SLC5A6: variants seen among roughly 807,000 people sequenced by gnomAD.
SLC5A6 encodes the protein solute carrier family 5 member 6.
In SLC5A6, 31 loss-of-function variants were observed where a neutral mutation model predicts 67.9. The observed-to-expected ratio is 0.46, with a 90% CI of 0.34 to 0.62. The LOEUF (loss-of-function observed/expected upper bound fraction) is 0.62, where lower values mean the gene tolerates loss of function less well. SLC5A6 is among the 20% of genes least tolerant of loss of function. The probability of loss-of-function intolerance (pLI) is 0.01; values close to 1 mark genes in which losing one functional copy is unlikely to be tolerated. For synonymous variants in SLC5A6, 343 were observed against 331.0 expected (o/e 1.04, Z -0.39); for missense variants, 673 against 812.8 (o/e 0.83, Z 2.09).
intron 1 of SLC5A6, 66 bp from the exon 2 acceptor site, chr2:27,211,599 G>A (rs1309171188): frequency 1.3e-5 from 2 of 152,710 alleles, no homozygotes; most frequent in African/African-American, 4.8e-5. Context: ...GCCAGGCTCC[G>A]GGACGCTATG....
Position 27,207,781 on chromosome 2 carries a change from C to T in SLC5A6, c.-131G>A. The stretch of plus-strand genomic sequence containing the variant: ...GTCTTCCTCCACGGAGTGATACTGT[C>T]CAGGGTGAGCTGCAAAGGAATTAGC... On this transcript the variant is annotated 5_prime_UTR_variant, in exon 3 of 17. Transcript: ENST00000310574. This position sits in a 1 kb window ranked among gnomAD's most constrained non-coding sequence, Gnocchi z 5.5. The T allele has an allele frequency of 1.2e-6, 1 of 817,880 alleles. No individual in the cohort carries two copies. The highest frequency in any genetic ancestry group is 1.9e-6 in the Non-Finnish European group (1 of 526,144). The allele number at this position is 817,880 out of a possible 1,614,324, so 50.7% of individuals were successfully genotyped here.
Position 27,205,433 on chromosome 2 carries a change from A to G in SLC5A6, c.651T>C (p.Val217=). ...CCACCTTGGCTGACCCCACAATGATAACTGCCAGCTGCCCGAGGAACATGA... is the reference window on the plus strand; with the variant it reads ...CCACCTTGGCTGACCCCACAATGATGACTGCCAGCTGCCCGAGGAACATGA... ...TLVMFLGQLA[V]IIVGSAKVGG... is the part of the protein sequence containing the mutation. Residue 217 remains valine, a synonymous_variant, in exon 7 of 17, where the codon GTT becomes GTC. Transcript: ENST00000310574. The G allele has an allele frequency of 6.2e-7, 1 of 1,614,092 alleles. No homozygotes were observed. The highest frequency in any genetic ancestry group is 8.5e-7 in the Non-Finnish European group (1 of 1,179,974).
intron 14 of SLC5A6, 79 bp from the exon 15 acceptor site, chr2:27,201,532 T>G: frequency 1.5e-6 from 2 of 1,352,498 alleles, no homozygotes; most frequent in South Asian, 2.4e-5. Context: ...CTTGCCCGCA[T>G]GGTCCCAGGG....
Position 27,206,963 on chromosome 2 carries a change from A to G in SLC5A6, c.394-21T>C, listed in dbSNP as rs1572395017. On this transcript the variant is annotated intron_variant, in intron 3 of 16. Transcript: ENST00000310574. ...AGGTACTGGGTATACAGAAAAAAAG[A>G]TTTTTCTCCTGACTTCACCCCGACA... The G allele has an allele frequency of 1.6e-5, 25 of 1,594,076 alleles. No individual in the cohort carries two copies. In the East Asian group the frequency reaches 5.6e-4, roughly 36 times the overall value.
chr2:27,212,003 C>T lies in SLC5A6; in HGVS notation c.-208+17G>A. The T allele has an allele frequency of 3.2e-6, 2 of 627,308 alleles. No individual in the cohort carries two copies. The highest frequency in any genetic ancestry group is 3.5e-5 in the East Asian group (1 of 28,512). The allele number at this position is 627,308 out of a possible 1,614,324, so 38.9% of individuals were successfully genotyped here. On this transcript the variant is annotated intron_variant, in intron 1 of 16. Transcript: ENST00000310574. ...CCCGCCCCCTGCCCGCCCCGCTCGC[C>T]GTGCCGCCATGTTTACTGAGGGCGG... is the stretch of plus-strand genomic sequence containing the variant.
chr2:27,212,759 C>A, upstream of SLC5A6: 1 of 859,180 alleles, frequency 1.2e-6, no homozygotes, highest in Non-Finnish European at 1.6e-6. Context: ...TGTAATCTCT[C>A]TACGCACGAA....
chr2:27,201,543 T>C, intron 14 of SLC5A6, 90 bp from the exon 15 acceptor site: 2 of 1,341,654 alleles, frequency 1.5e-6, no homozygotes, highest in Non-Finnish European at 2.1e-6. Flanking sequence ...GGTCCCAGGG[T>C]CTTGGGACCC....
chr2:27,212,345 A>C (rs369544433), upstream of SLC5A6: 3 of 1,549,576 alleles, frequency 1.9e-6, no homozygotes, highest in Non-Finnish European at 2.6e-6. Context: ...TCGCGCGAGC[A>C]GCGGAGCACC....
At position 27,202,113 on chromosome 2, in the gene SLC5A6, A is replaced by T. The variant is rs549754875; in HGVS notation, c.1276-39T>A. The T allele has an allele frequency of 2.1e-6, 3 of 1,443,374 alleles. No individual in the cohort carries two copies. In the South Asian group the frequency reaches 3.4e-5, roughly 17 times the overall value. 89.4% of individuals were successfully genotyped at this position (1,443,374 alleles called of 1,614,324 possible). A position where few individuals can be genotyped will look rare whatever the true frequency, so the allele number is the denominator to read the frequency against. On this transcript the variant is annotated intron_variant, in intron 12 of 16. Transcript: ENST00000310574. ...GTGAGAAGAAAAGGAAAAAGAACAC[A>T]GACTCAGAGATGCCCAGACTCACCA...
In SLC5A6 at chr2:27,202,866, G is replaced by A; in HGVS notation, c.1222C>T (p.Leu408=). The change falls in exon 12 of 17, where the codon CTG becomes TTG. Residue 408 remains leucine (L), a synonymous_variant. Transcript: ENST00000310574. ...LSRGLAFGYG[L]LCLGMAYISS... ...ATATAGGCCATTCCTAGACAAAGCA[G>A]CCCATAGCCAAAGGCTGGGGGAAAA... 1 of 1,613,940 alleles carries A rather than the reference G, an allele frequency of 6.2e-7. No individual in the cohort carries two copies. Among genetic ancestry groups the A allele is most frequent in the Non-Finnish European group, 8.5e-7 (1 of 1,179,894 alleles).
rs1010606517 is a variant in SLC5A6, at chr2:27,212,197, A to G, written c.-385T>C. On this transcript the variant is annotated 5_prime_UTR_variant, in exon 1 of 17. Transcript: ENST00000310574. ...CGGCCAGTATCCCCGAAAGAGGGCT[A>G]GGGCGCATGAAGACCAGCGCAGAGC... The G allele has an allele frequency of 4.5e-6, 7 of 1,552,468 alleles. No individual in the cohort carries two copies. The highest frequency in any genetic ancestry group is 4.0e-5 in the Admixed American group (2 of 50,578).
In SLC5A6 at chr2:27,200,491, C is replaced by T. The variant is rs756807367; in HGVS notation, c.1853G>A (p.Gly618Asp). The change falls in exon 17 of 17, where the codon GGC becomes GAC. Residue 618 changes from glycine (G) to aspartate (D), a missense_variant. By Grantham distance (94) the Gly-to-Asp change is moderately conservative (BLOSUM62 -1). Transcript: ENST00000310574. ...GGAGCTGCTCCCCTGATAGGCTGTG[C>T]CATCCAGGGCCATGGCCTCCTTGTC... Reference protein sequence around the residue: ...SRDKEAMALDGTAYQGSSSTC... With the variant: ...SRDKEAMALDDTAYQGSSSTC... 1 of 1,613,994 alleles carries T rather than the reference C, an allele frequency of 6.2e-7. No homozygotes were observed. The highest frequency in any genetic ancestry group is 1.1e-5 in the South Asian group (1 of 91,064).
At chr2:27,202,119 A>T in intron 12 of SLC5A6, 45 bp from the exon 13 acceptor site, 1 of 1,351,918 alleles carries the variant, frequency 7.4e-7, no homozygotes, top group Non-Finnish European at 1.1e-6. Context: ...ACACAGACTC[A>T]GAGATGCCCA....
chr2:27,205,111 C>T, intron 7 of SLC5A6, 180 bp from the exon 8 acceptor site: 1 of 741,422 alleles, frequency 1.3e-6, no homozygotes, highest in Non-Finnish European at 2.2e-6. Context: ...AGGGAGGCTC[C>T]ATTCTTCCAC....
At position 27,201,787 on chromosome 2, in the gene SLC5A6, T is replaced by C. The variant is rs1021891633; in HGVS notation, c.1423A>G (p.Ile475Val). Residue 475 changes from isoleucine (I) to valine (V), a missense_variant, in exon 14 of 17, where the codon ATC (isoleucine) becomes GTC (valine). By Grantham distance (29) the Ile-to-Val change is conservative. Transcript: ENST00000310574. ...VMAFWIGIGS[I>V]VTSMGSSMPP... ...ATGCTGGAGCCCATGCTGGTCACGATGCTCCCGATGCCAATCCAGAAGGCC... is the reference window on the plus strand; with the variant it reads ...ATGCTGGAGCCCATGCTGGTCACGACGCTCCCGATGCCAATCCAGAAGGCC... 1 of 1,614,116 alleles carries C rather than the reference T, an allele frequency of 6.2e-7. No individual in the cohort carries two copies. Among genetic ancestry groups the C allele is most frequent in the Non-Finnish European group, 8.5e-7 (1 of 1,179,988 alleles).
At chr2:27,205,993 T>C (rs753886809) in intron 6 of SLC5A6, 33 bp downstream of exon 6, 16 of 1,528,876 alleles carry the variant, frequency 1.0e-5, no homozygotes, top group Non-Finnish European at 1.4e-5. Flanking sequence ...CTTCATCCCT[T>C]CCCCTCCCCA....
rs1226931930 is a variant in SLC5A6, at chr2:27,207,336, G to A, written c.315C>T (p.Cys105=). The A allele has an allele frequency of 6.2e-7, 1 of 1,614,130 alleles. No individual in the cohort carries two copies. Among genetic ancestry groups the A allele is most frequent in the Non-Finnish European group, 8.5e-7 (1 of 1,180,024 alleles). ...FGTQYWFLGC[C]YFLGLLIPAH... ...CAGGTATCAGCAGCCCCAGAAAGTA[G>A]CAGCAGCCCAGGAACCAATATTGGG... The change falls in exon 3 of 17, where the codon TGC becomes TGT. Residue 105 remains cysteine (C), a synonymous_variant. Coordinates refer to ENST00000310574, the MANE Select transcript of SLC5A6 (RefSeq NM_021095.4). This position sits in a 1 kb window ranked among gnomAD's most constrained non-coding sequence, Gnocchi z 5.5.
chr2:27,206,346 A>C lies in SLC5A6; in HGVS notation c.511+137T>G, dbSNP rs536070783. 5 of 836,872 alleles carry C rather than the reference A, an allele frequency of 6.0e-6. No homozygotes were observed. In the Admixed American group the frequency reaches 8.7e-5, roughly 15 times the overall value. 51.8% of individuals were successfully genotyped at this position (836,872 alleles called of 1,614,324 possible). A position where few individuals can be genotyped will look rare whatever the true frequency, so the allele number is the denominator to read the frequency against. On this transcript the variant is annotated intron_variant, in intron 5 of 16. Coordinates refer to ENST00000310574, the MANE Select transcript of SLC5A6 (RefSeq NM_021095.4). ...CCAAGCCTTCCTCTGGTAGAGACCC[A>C]CCCAAGGGCCCAAGCGGTGAATTAA...
chr2:27,200,677 G>T, intron 16 of SLC5A6, 98 bp from the exon 17 acceptor site: 1 of 1,308,546 alleles, frequency 7.6e-7, no homozygotes, highest in Non-Finnish European at 1.1e-6. Flanking sequence ...AGGGAGCCCA[G>T]CAAGGCTGGG....
Sources: allele counts gnomAD v4.1 joint callset, GRCh38; gene constraint gnomAD v4.1.1; non-coding constraint Gnocchi (gnomAD v3.1); transcripts MANE v1.5; gene names NCBI Gene and HGNC (gene_info 2026-07-23, HGNC 2026-07-21).